The following CACNA1F variants were observed in gnomAD, a reference collection of about 807,000 sequenced individuals.
CACNA1F encodes calcium voltage-gated channel subunit alpha1 F, also known as voltage-dependent L-type calcium channel subunit alpha-1F.
CACNA1F carries 59 observed loss-of-function variants against 143.8 expected under a neutral mutation model. The ratio of observed to expected loss-of-function variants is 0.41; its 90% confidence interval spans 0.33 to 0.51. CACNA1F has a LOEUF of 0.51. CACNA1F is among the 20% of genes least tolerant of loss of function. CACNA1F has a pLI of 0.22. For synonymous variants in CACNA1F, 643 were observed against 649.1 expected, an observed-to-expected ratio of 0.99 and a Z score of 0.14; for missense variants, 1,411 against 1,647.5, an observed-to-expected ratio of 0.86 and a Z score of 2.48.
At chrX:49,208,418 C>CA in intron 43 of CACNA1F, 97 bp downstream of exon 43, 1 of 421,964 alleles carries the variant, frequency 2.4e-6, no homozygotes, top group East Asian at 5.3e-5. Context: ...TAGGCCCTCC[C>CA]TCCCACCCCC....
intron 29 of CACNA1F, among the ~76,000 whole-genome samples, 198 bp downstream of exon 29, chrX:49,214,888 T>A (rs1467690329): frequency 9.1e-6 from 1 of 110,154 alleles, no homozygotes; most frequent in Non-Finnish European, 1.9e-5. Context: ...CATTCTTACA[T>A]CTCCGAAATC....
At position 49,218,708 on chromosome X, in the gene CACNA1F, G is replaced by T; in HGVS notation, c.2761C>A (p.Arg921Ser). The T allele has an allele frequency of 8.5e-7, 1 of 1,182,613 alleles. No individual in the cohort carries two copies. The highest frequency in any genetic ancestry group is 1.1e-6 in the Non-Finnish European group (1 of 880,018). Residue 921 changes from arginine to serine, a missense_variant, in exon 23 of 48, where the codon CGC (arginine) becomes AGC (serine). Arg to Ser is a moderately radical substitution (Grantham distance 110). Coordinates refer to ENST00000323022, the MANE Select transcript of CACNA1F (RefSeq NM_001256789.3). ...AACCAGCTACGGCAGAAGGAGCCGCGGTGCAGGAAGGCCCCAAACACTGTC... is the reference window on the plus strand; with the variant it reads ...AACCAGCTACGGCAGAAGGAGCCGCTGTGCAGGAAGGCCCCAAACACTGTC... ...KMTVFGAFLH[R>S]GSFCRSWFNM...
chrX:49,216,683 C>A (rs781870009), intron 26 of CACNA1F, among the ~76,000 whole-genome samples, 155 bp from the exon 27 acceptor site: 2 of 111,576 alleles, frequency 1.8e-5, no homozygotes, highest in Non-Finnish European at 3.8e-5. Flanking sequence ...GGTGACCTTG[C>A]GCATTTACCC....
chrX:49,229,300 A>ACAT (rs2065854548), intron 6 of CACNA1F, among the ~76,000 whole-genome samples: 1 of 108,919 alleles, frequency 9.2e-6, no homozygotes, highest in African/African-American at 3.4e-5. Flanking sequence ...GGGATTACAG[A>ACAT]CATGCACCAC....
rs782731379 is a variant in CACNA1F, at chrX:49,230,549, C to T, written c.582G>A (p.Gly194=). ...PGRPGDAPHT[G]GKPGGFDVKA... Reference sequence around the variant, plus strand: ...TCACATCGAAGCCTCCTGGCTTTCCCCCGGTGTGCGGGGCGTCGCCTGGCC... The same window carrying T: ...TCACATCGAAGCCTCCTGGCTTTCCTCCGGTGTGCGGGGCGTCGCCTGGCC... Residue 194 remains glycine, a synonymous_variant, in exon 5 of 48, where the codon GGG becomes GGA. Coordinates refer to ENST00000323022, the MANE Select transcript of CACNA1F (RefSeq NM_001256789.3). The T allele has an allele frequency of 6.5e-5, 77 of 1,189,156 alleles. 1 individual carries two copies. The highest frequency in any genetic ancestry group is 5.5e-4 in the South Asian group (30 of 54,072).
At position 49,211,355 on chromosome X, in the gene CACNA1F, A is replaced by G; in HGVS notation, c.4227T>C (p.Tyr1409=). 2.5e-6 allele frequency: 3 copies of G among 1,211,328 alleles called. No individual in the cohort carries two copies. The highest frequency in any genetic ancestry group is 3.4e-6 in the Non-Finnish European group (3 of 895,130). Residue 1409 remains tyrosine, a synonymous_variant, in exon 36 of 48, where the codon TAT becomes TAC. Coordinates refer to ENST00000323022, the MANE Select transcript of CACNA1F (RefSeq NM_001256789.3). ...CACAGAGCATGAAGAAGCTGATGAA[A>G]TAGGCGATGGCAAAATTGCTACCAC... ...FTCGSNFAIA[Y]FISFFMLCAF...
intron 25 of CACNA1F, 30 bp from the exon 26 acceptor site, chrX:49,217,837 C>G (rs2065733290): frequency 1.7e-6 from 2 of 1,189,012 alleles, no homozygotes; most frequent in Non-Finnish European, 2.3e-6. Context: ...CAAGTAGGTT[C>G]ACCCTTCATC....
At chrX:49,206,943 C>T (rs1165085321) in intron 44 of CACNA1F, 62 bp downstream of exon 44, 1 of 1,108,243 alleles carries the variant, frequency 9.0e-7, no homozygotes, top group African/African-American at 1.8e-5. Context: ...CTCCCCGACC[C>T]AGTTCCCACC....
intron 46 of CACNA1F, among the ~76,000 whole-genome samples, chrX:49,206,180 G>A (rs1039216189): frequency 2.3e-4 from 25 of 109,713 alleles, no homozygotes; most frequent in African/African-American, 8.3e-4. Flanking sequence ...ATCACCTGAG[G>A]TCAGGGGTTT....
chrX:49,219,871 A>G, intron 19 of CACNA1F, 81 bp from the exon 20 acceptor site: 2 of 584,700 alleles, frequency 3.4e-6, no homozygotes, highest in East Asian at 3.6e-5. Context: ...CACGTGGTCA[A>G]TTCTTCCCAT....
rs782464083 is a variant in CACNA1F, at chrX:49,219,359, C to T, written c.2635G>A (p.Ala879Thr). 1.1e-4 allele frequency: 127 copies of T among 1,206,215 alleles called. No homozygotes were observed. The Admixed American group carries it at 2.5e-3, about 24-fold the overall frequency. Residue 879 changes from alanine to threonine, a missense_variant, in exon 21 of 48, where the codon GCT (alanine) becomes ACT (threonine). Physicochemically the swap from Ala to Thr is moderately conservative, Grantham distance 58 (BLOSUM62 0). This residue lies in a region of CACNA1F where 950 missense variants were observed against 1,128.1 expected (regional missense o/e 0.84). Coordinates refer to ENST00000323022, the MANE Select transcript of CACNA1F (RefSeq NM_001256789.3). ...GAGTGGGCTCGGATGGGGTCCTCAG[C>T]GGCCAGGGACACACTGCTGAGGATG... Reference protein sequence around the residue: ...FIILSSVSLAAEDPIRAHSFR... With the variant: ...FIILSSVSLATEDPIRAHSFR...
Position 49,218,026 on chromosome X carries a change from G to A in CACNA1F, c.2929-21C>T, listed in dbSNP as rs782533748. 569 of 1,118,950 alleles carry A rather than the reference G, an allele frequency of 5.1e-4. 4 individuals carry two copies. In the South Asian group the frequency reaches 8.3e-3, roughly 16 times the overall value. 92.2% of individuals were successfully genotyped at this position (1,118,950 alleles called of 1,213,427 possible). ...ACATGCTGCGGGCACCCAAGCATAT[G>A]GCTACTGAACACTACAGGCCACAGT... On this transcript the variant is annotated intron_variant, in intron 24 of 47. Coordinates refer to ENST00000323022, the MANE Select transcript of CACNA1F (RefSeq NM_001256789.3).
chrX:49,225,077 A>C, intron 13 of CACNA1F, 91 bp from the exon 14 acceptor site: 1 of 582,841 alleles, frequency 1.7e-6, no homozygotes, highest in Non-Finnish European at 2.9e-6. Flanking sequence ...GACCCACGGT[A>C]GCTGGTATCA....
chrX:49,212,081 C>A, intron 34 of CACNA1F, 92 bp from the exon 35 acceptor site: 2 of 832,479 alleles, frequency 2.4e-6, no homozygotes, highest in Non-Finnish European at 1.8e-6. Flanking sequence ...ATAACCCTGA[C>A]AAACAGGGCA....
At chrX:49,221,314 C>T (rs2065773055) in intron 17 of CACNA1F, among the ~76,000 whole-genome samples, 1 of 111,736 alleles carries the variant, frequency 8.9e-6, no homozygotes, top group African/African-American at 3.3e-5. Context: ...CTACAGTCCT[C>T]ACCCTGGCCC....
In CACNA1F at chrX:49,215,520, G is replaced by A; in HGVS notation, c.3260C>T (p.Ala1087Val). 3 of 1,196,821 alleles carry A rather than the reference G, an allele frequency of 2.5e-6. No individual in the cohort carries two copies. The highest frequency in any genetic ancestry group is 3.4e-6 in the Non-Finnish European group (3 of 885,453). The change falls in exon 28 of 48, where the codon GCA becomes GTA. Residue 1087 changes from alanine to valine, a missense_variant. This residue lies in a region of CACNA1F where 950 missense variants were observed against 1,128.1 expected (regional missense o/e 0.84). Transcript: ENST00000323022. ...WPALLYKAID[A>V]YAEDHGPIYN... ...GATGGGGCCGTGGTCCTCTGCATAT[G>A]CATCGATGGCCTTGTATAGCAGTCT...
At chrX:49,224,597 T>A (rs184558340) in intron 14 of CACNA1F, among the ~76,000 whole-genome samples, 164 bp downstream of exon 14, 1 of 111,663 alleles carries the variant, frequency 9.0e-6, no homozygotes, top group Non-Finnish European at 1.9e-5. Context: ...CTGCTTTGAT[T>A]CCTGGTGTTT....
chrX:49,220,902 G>T, intron 18 of CACNA1F, 133 bp downstream of exon 18: 1 of 581,853 alleles, frequency 1.7e-6, no homozygotes, highest in Non-Finnish European at 2.9e-6. Flanking sequence ...TGGCACAACT[G>T]CACTCCAGCC....
chrX:49,209,835 C>T, intron 40 of CACNA1F, 76 bp from the exon 41 acceptor site: 1 of 1,162,320 alleles, frequency 8.6e-7, no homozygotes, highest in Non-Finnish European at 1.2e-6. Flanking sequence ...CTCTACCCAC[C>T]AGCATGGACT....
Sources: gnomAD v4.1 joint callset for allele counts (sites outside exome capture counted in the v4.1 genomes callset) on GRCh38, gnomAD v4.1.1 for gene constraint, gnomAD v4.1.1 regional missense constraint, MANE v1.5 for transcripts, NCBI Gene and HGNC (gene_info 2026-07-23, HGNC 2026-07-21) for gene names.